PCDHGB4: variants seen among roughly 807,000 people sequenced by gnomAD.
PCDHGB4 encodes protocadherin gamma-B4.
Under a neutral mutation model 60.5 loss-of-function variants are expected in PCDHGB4, and 38 were observed. The ratio of observed to expected loss-of-function variants is 0.63; its 90% CI spans 0.48 to 0.82. The LOEUF (loss-of-function observed/expected upper bound fraction) is 0.82, where lower values mean the gene tolerates loss of function less well. Ranked by LOEUF, PCDHGB4 falls within the 40% of genes least tolerant of loss-of-function variation. PCDHGB4 has a pLI of 0.00. For synonymous variants in PCDHGB4, 456 were observed against 509.7 expected (o/e 0.89, Z 1.42); for missense variants, 1,109 against 1,209.6 (o/e 0.92, Z 1.23).
At chr5:141,494,714 C>G in intron 1 of PCDHGB4, 93 bp from the exon 2 acceptor site, 2 of 1,603,958 alleles carry the variant, frequency 1.2e-6, no homozygotes, top group East Asian at 4.5e-5. Context: ...TGTGCCCACT[C>G]CCCTCCTTCT....
At chr5:141,403,513 T>C (rs754840157) in intron 1 of PCDHGB4, 1 of 1,613,714 alleles carries the variant, frequency 6.2e-7, no homozygotes, top group East Asian at 2.2e-5. Flanking sequence ...CTGGAGACAA[T>C]GGAGCCATAA....
chr5:141,388,760 G>T lies in PCDHGB4; in HGVS notation c.876G>T (p.Leu292=). The T allele has an allele frequency of 6.2e-7, 1 of 1,613,930 alleles. No individual in the cohort carries two copies. The highest frequency in any genetic ancestry group is 8.5e-7 in the Non-Finnish European group (1 of 1,179,878). ...SEASQITQFD[L]NSNTGEITVL... is the part of the protein sequence containing the mutation. The stretch of plus-strand genomic sequence containing the variant: ...CTAGCCAGATCACCCAATTTGACCT[G>T]AACTCTAACACCGGGGAAATTACTG... The change falls in exon 1 of 4, where the codon CTG becomes CTT. Residue 292 remains leucine, a synonymous_variant. Coordinates refer to ENST00000519479, the MANE Select transcript of PCDHGB4 (RefSeq NM_003736.4).
In PCDHGB4 at chr5:141,410,525, T is replaced by G. The variant is rs6891442; in HGVS notation, c.2397+20244T>G. The G allele has an allele frequency of 1.9e-3, 3,112 of 1,613,920 alleles. 62 individuals are homozygous for G. In the African/African-American group the frequency reaches 0.034, roughly 18 times the overall value. On this transcript the variant is annotated intron_variant, in intron 1 of 3. Transcript: ENST00000519479. ...CCTAAAATGCAGTGTGCCCCTACAT[T>G]CCAATGAAGACATGGTTTGCAGTGT...
intron 1 of PCDHGB4, chr5:141,422,608 T>A: frequency 5.0e-6 from 8 of 1,613,956 alleles, no homozygotes; most frequent in Non-Finnish European, 5.1e-6. Context: ...TTACTCTGCC[T>A]ACATTCCCGA....
At position 141,389,586 on chromosome 5, in the gene PCDHGB4, G is replaced by T; in HGVS notation, c.1702G>T (p.Asp568Tyr). The T allele has an allele frequency of 6.2e-7, 1 of 1,613,166 alleles. No homozygotes were observed. Among genetic ancestry groups the T allele is most frequent in the Non-Finnish European group, 8.5e-7 (1 of 1,179,780 alleles). The change falls in exon 1 of 4, where the codon GAC becomes TAC. Residue 568 changes from aspartate (D) to tyrosine (Y), a missense_variant. By Grantham distance (160) the Asp-to-Tyr change is radical (BLOSUM62 -3). Coordinates refer to ENST00000519479, the MANE Select transcript of PCDHGB4 (RefSeq NM_003736.4). ...GGTGCTGTACCCCGCGCTGGGTCCC[G>T]ACGGCTCTGCGCTCTTCGATATGGT... ...PRVLYPALGPDGSALFDMVPH... is the reference protein window; with the variant it reads ...PRVLYPALGPYGSALFDMVPH...
intron 1 of PCDHGB4, among the ~76,000 whole-genome samples, chr5:141,449,056 G>A (rs149442150): frequency 6.6e-6 from 1 of 152,068 alleles, no homozygotes; most frequent in African/African-American, 2.4e-5. Flanking sequence ...TCATAAATGA[G>A]CGCTATTGAA....
intron 1 of PCDHGB4, among the ~76,000 whole-genome samples, chr5:141,494,146 T>C (rs1167835696): frequency 1.3e-5 from 2 of 152,168 alleles, no homozygotes; most frequent in Non-Finnish European, 2.9e-5. Context: ...TCACAGACCA[T>C]TGTCTGGCAC....
At chr5:141,507,611 A>G (rs2099862056) in intron 3 of PCDHGB4, among the ~76,000 whole-genome samples, 1 of 152,258 alleles carries the variant, frequency 6.6e-6, no homozygotes, top group South Asian at 2.1e-4. Flanking sequence ...AAACAGGTAT[A>G]TTTAGCTGTT....
chr5:141,409,213 C>T (rs1379007048), intron 1 of PCDHGB4: 1 of 1,613,994 alleles, frequency 6.2e-7, no homozygotes, highest in Admixed American at 1.7e-5. Context: ...TCATAGAAAT[C>T]CTTGATGAAA....
At chr5:141,417,784 G>T in intron 1 of PCDHGB4, 2 of 1,474,908 alleles carry the variant, frequency 1.4e-6, no homozygotes, top group Non-Finnish European at 9.0e-7. Context: ...GTCCTGGGCC[G>T]AATGCTCTTT....
intron 1 of PCDHGB4, chr5:141,399,103 C>CA (rs755732381): frequency 6.2e-7 from 1 of 1,613,604 alleles, no homozygotes; most frequent in African/African-American, 1.3e-5. Context: ...ACTGGTTGCA[C>CA]AATGTACAGT....
At chr5:141,398,486 A>G (rs892086829) in intron 1 of PCDHGB4, 17 of 1,608,942 alleles carry the variant, frequency 1.1e-5, no homozygotes, top group Non-Finnish European at 1.4e-5. Flanking sequence ...TATCACGTGA[A>G]TGTGGAGATC....
At chr5:141,472,980 C>CAAAAAAAAAAAAAAAAAAA (rs60579131) in intron 1 of PCDHGB4, among the ~76,000 whole-genome samples, 6 of 86,104 alleles carry the variant, frequency 7.0e-5, no homozygotes, top group African/African-American at 1.2e-4. Context: ...GAGTGAAACT[C>CAAAAAAAAAAAAAAAAAAA]AAAAAAAAAA....
At chr5:141,403,551 T>G in intron 1 of PCDHGB4, 1 of 1,613,986 alleles carries the variant, frequency 6.2e-7, no homozygotes, top group Non-Finnish European at 8.5e-7. Context: ...GAGCGCGCCC[T>G]GGACAGGGAG....
chr5:141,400,048 G>A (rs760963865), intron 1 of PCDHGB4: 3 of 1,613,664 alleles, frequency 1.9e-6, no homozygotes, highest in Non-Finnish European at 2.5e-6. Context: ...CCTGCTGGTT[G>A]CTGTGCGTGA....
intron 1 of PCDHGB4, among the ~76,000 whole-genome samples, chr5:141,482,794 G>A (rs374042779): frequency 6.2e-5 from 8 of 129,246 alleles, no homozygotes; most frequent in Non-Finnish European, 8.1e-5. Flanking sequence ...GTGTGTGGCC[G>A]GGTACGGTGG....
intron 1 of PCDHGB4, chr5:141,414,180 A>T: frequency 6.2e-7 from 1 of 1,608,986 alleles, no homozygotes; most frequent in Non-Finnish European, 8.5e-7. Context: ...TTGCAACTGC[A>T]AAAGTGTTGA....
At chr5:141,406,948 CAT>C (rs777377851) in intron 1 of PCDHGB4, among the ~76,000 whole-genome samples, 2 of 152,096 alleles carry the variant, frequency 1.3e-5, no homozygotes, top group Non-Finnish European at 2.9e-5. Context: ...TTATTTTAAA[CAT>C]AGTGTTGTTT....
chr5:141,451,007 T>A (rs2098704118), intron 1 of PCDHGB4, among the ~76,000 whole-genome samples: 1 of 151,594 alleles, frequency 6.6e-6, no homozygotes, highest in Non-Finnish European at 1.5e-5. Flanking sequence ...TTGTATTTTT[T>A]TTAGTAGAGA....
Sources: allele counts gnomAD v4.1 joint callset (sites outside exome capture counted in the v4.1 genomes callset), GRCh38; gene constraint gnomAD v4.1.1; transcripts MANE v1.5; gene names NCBI Gene and HGNC (gene_info 2026-07-23, HGNC 2026-07-21).